The following NTN1 variants were observed in gnomAD, a reference collection of about 807,000 sequenced individuals.
NTN1 encodes the protein netrin-1.
NTN1 carries 11 observed loss-of-function variants against 54.2 expected under a neutral mutation model. The observed-to-expected ratio is 0.20, with a 90% CI of 0.13 to 0.34. The LOEUF is 0.34. Among genes scored for constraint, NTN1 ranks in the 10% least tolerant of loss-of-function variants. The probability of loss-of-function intolerance (pLI) is 1.00; values close to 1 mark genes in which losing one functional copy is unlikely to be tolerated. For missense variants in NTN1, 740 were observed against 893.1 expected, an observed-to-expected ratio of 0.83 and a Z score of 2.18; for synonymous variants, 371 against 382.0, an observed-to-expected ratio of 0.97 and a Z score of 0.33.
intron 2 of NTN1, among the ~76,000 whole-genome samples, chr17:9,155,135 G>A (rs1203336215): frequency 6.6e-6 from 1 of 152,186 alleles, no homozygotes; most frequent in East Asian, 1.9e-4. Flanking sequence ...CTCCTTGAGT[G>A]TTAGTCTTGA....
chr17:9,179,798 T>G lies in NTN1; in HGVS notation c.1208-9T>G. The stretch of plus-strand genomic sequence containing the variant: ...CTTGTCTGACCCTCCCATTTTGTGT[T>G]CTCTGCAGCCTGTGATTGCCACCCT... On this transcript the variant is annotated splice_polypyrimidine_tract_variant and intron_variant, in intron 3 of 6. Transcript: ENST00000173229. 1 of 1,612,778 alleles carries G rather than the reference T, an allele frequency of 6.2e-7. No individual in the cohort carries two copies. Among genetic ancestry groups the G allele is most frequent in the South Asian group, 1.1e-5 (1 of 90,860 alleles).
intron 6 of NTN1, among the ~76,000 whole-genome samples, chr17:9,228,237 G>A (rs1420992518): frequency 1.3e-5 from 2 of 152,234 alleles, no homozygotes; most frequent in African/African-American, 4.8e-5. Context: ...CTGGAGGAGG[G>A]AGCCTGAGTA....
chr17:9,127,070 CCG>C (rs1491237262), intron 2 of NTN1, among the ~76,000 whole-genome samples: 1 of 34,718 alleles, frequency 2.9e-5, no homozygotes, highest in African/African-American at 1.2e-4. Context: ...TGTGGTAGGG[CCG>C]GGGGGGGGCA....
At chr17:9,007,890 C>A in the NTN1 span, among the ~76,000 whole-genome samples, 2 of 152,036 alleles carry the variant, frequency 1.3e-5, no homozygotes, top group African/African-American at 4.8e-5. Flanking sequence ...AGCCACAATG[C>A]CTGCAAATAA....
chr17:9,167,413 G>T (rs536514757), intron 3 of NTN1, among the ~76,000 whole-genome samples: 1 of 152,132 alleles, frequency 6.6e-6, no homozygotes, highest in Non-Finnish European at 1.5e-5. Context: ...CAAACCATCT[G>T]TGATGGATAA....
At position 9,190,130 on chromosome 17, in the gene NTN1, A is replaced by G. The variant is rs867346113; in HGVS notation, c.1411+7161A>G. Among the ~76,000 whole-genome samples, 4 of 152,346 alleles carry G rather than the reference A, an allele frequency of 2.6e-5. No individual in the cohort carries two copies. In the South Asian group the frequency reaches 8.3e-4, roughly 32 times the overall value. On this transcript the variant is annotated intron_variant, in intron 5 of 6. Coordinates refer to ENST00000173229, the MANE Select transcript of NTN1 (RefSeq NM_004822.3). ...TACTCAGTGAATGCATATCAGTTTTATGATAATGGAAACAAAATCTCAACT... is the reference window on the plus strand; with the variant it reads ...TACTCAGTGAATGCATATCAGTTTTGTGATAATGGAAACAAAATCTCAACT...
intron 2 of NTN1, among the ~76,000 whole-genome samples, chr17:9,151,297 T>C (rs971919303): frequency 4.6e-5 from 7 of 152,142 alleles, no homozygotes; most frequent in African/African-American, 7.2e-5. Flanking sequence ...TGAAGGACTG[T>C]TGACAGAAGG....
chr17:9,081,989 G>A (rs1460819612), intron 2 of NTN1, among the ~76,000 whole-genome samples: 1 of 152,204 alleles, frequency 6.6e-6, no homozygotes, highest in Non-Finnish European at 1.5e-5. Flanking sequence ...TCTCCAGTCT[G>A]CAGTTGGTTT....
intron 2 of NTN1, among the ~76,000 whole-genome samples, chr17:9,038,158 C>T (rs550967069): frequency 2.6e-5 from 4 of 152,170 alleles, no homozygotes; most frequent in East Asian, 1.9e-4. Flanking sequence ...GAGGCTTACC[C>T]GGACTATTCT....
intron 2 of NTN1, among the ~76,000 whole-genome samples, chr17:9,099,260 CTGG>C (rs1438834805): frequency 6.6e-6 from 1 of 152,168 alleles, no homozygotes; most frequent in Admixed American, 6.6e-5. Context: ...AAAAAGTTAG[CTGG>C]GTGTGGTGGT....
intron 2 of NTN1, among the ~76,000 whole-genome samples, chr17:9,095,794 T>C (rs916189430): frequency 4.7e-5 from 7 of 150,222 alleles, no homozygotes; most frequent in Middle Eastern, 3.4e-3. Context: ...TATAATTTTT[T>C]TCTTTTTCTT....
At chr17:9,104,916 C>G (rs1398117915) in intron 2 of NTN1, among the ~76,000 whole-genome samples, 2 of 152,176 alleles carry the variant, frequency 1.3e-5, no homozygotes, top group Non-Finnish European at 2.9e-5. Context: ...GAGCCAGATT[C>G]CTCAACACTT....
At chr17:9,048,855 C>A (rs987554719) in intron 2 of NTN1, among the ~76,000 whole-genome samples, 1 of 152,184 alleles carries the variant, frequency 6.6e-6, no homozygotes, top group East Asian at 1.9e-4. Flanking sequence ...GGGGTTTCAC[C>A]ATGTTGTTCA....
chr17:9,009,014 C>A, the NTN1 span, among the ~76,000 whole-genome samples: 1 of 152,256 alleles, frequency 6.6e-6, no homozygotes, highest in Admixed American at 6.5e-5. Context: ...GCACTCCAGC[C>A]AGGGTGACAG....
intron 5 of NTN1, among the ~76,000 whole-genome samples, chr17:9,207,457 C>T (rs779685346): frequency 2.6e-4 from 40 of 152,258 alleles, no homozygotes; most frequent in Non-Finnish European, 4.4e-4. Flanking sequence ...GGCTTCATCT[C>T]GCTGGAACTT....
At chr17:9,184,189 A>G (rs553557060) in intron 5 of NTN1, among the ~76,000 whole-genome samples, 28 of 152,356 alleles carry the variant, frequency 1.8e-4, no homozygotes, top group Middle Eastern at 3.4e-3. Flanking sequence ...GTCCACAGCC[A>G]GCAAACAGGA....
intron 2 of NTN1, among the ~76,000 whole-genome samples, chr17:9,063,765 G>C (rs968360104): frequency 5.9e-5 from 9 of 151,562 alleles, no homozygotes; most frequent in Non-Finnish European, 1.2e-4. Flanking sequence ...AGCCAGGATG[G>C]TCTCGATCTC....
chr17:9,060,399 C>T (rs557809816), intron 2 of NTN1, among the ~76,000 whole-genome samples: 89 of 152,150 alleles, frequency 5.8e-4, no homozygotes, highest in South Asian at 1.9e-3. Flanking sequence ...TTATGTTATC[C>T]ATAAGGCTTC....
chr17:9,243,301 T>TCAGTCGC lies in NTN1; in HGVS notation c.*3333_*3334insCAGTCGC, dbSNP rs1325400459. On this transcript the variant is annotated 3_prime_UTR_variant, in exon 7 of 7. Coordinates refer to ENST00000173229, the MANE Select transcript of NTN1 (RefSeq NM_004822.3). The stretch of plus-strand genomic sequence containing the variant: ...AGGGAGGGTCACAGCCCAGGGAGGC[T>TCAGTCGC]GGGAGCTGCTCCAAGGCCCTGGAAC... The TCAGTCGC allele has an allele frequency of 1.2e-4, 18 of 152,190 alleles. No individual in the cohort carries two copies. The highest frequency in any genetic ancestry group is 1.2e-3 in the Admixed American group (18 of 15,274). The allele number at this position is 152,190 out of a possible 1,614,324, so 9.4% of individuals were successfully genotyped here.
Sources: gnomAD v4.1 joint callset for allele counts (sites outside exome capture counted in the v4.1 genomes callset) on GRCh38, gnomAD v4.1.1 for gene constraint, MANE v1.5 for transcripts, NCBI Gene and HGNC (gene_info 2026-07-23, HGNC 2026-07-21) for gene names.